APP: variants seen among roughly 807,000 people sequenced by gnomAD.
APP encodes amyloid-beta precursor protein.
In APP, 31 loss-of-function variants were observed where a neutral mutation model predicts 101.4. The observed-to-expected ratio is 0.31, with a 90% CI of 0.23 to 0.41. The LOEUF is 0.41. Ranked by LOEUF, APP falls within the 10% of genes least tolerant of loss-of-function variation. The probability of loss-of-function intolerance (pLI) is 1.00; values close to 1 mark genes in which losing one functional copy is unlikely to be tolerated. For synonymous variants in APP, 366 were observed against 364.4 expected (o/e 1.00, Z -0.05); for missense variants, 839 against 1,003.7 (o/e 0.84, Z 2.22).
At chr21:26,133,703 C>A (rs997481855) in intron 1 of APP, among the ~76,000 whole-genome samples, 6 of 151,976 alleles carry the variant, frequency 3.9e-5, no homozygotes, top group Non-Finnish European at 8.8e-5. Flanking sequence ...ACCTGAGGGG[C>A]AGAGGTTGCA....
Position 25,897,617 on chromosome 21 carries a change from C to T in APP, c.2020G>A (p.Glu674Lys), listed in dbSNP as rs752361848. 1.9e-6 allele frequency: 3 copies of T among 1,614,014 alleles called. No homozygotes were observed. The highest frequency in any genetic ancestry group is 2.5e-6 in the Non-Finnish European group (3 of 1,179,962). ...EEISEVKMDAEFRHDSGYEVH... is the reference protein window; with the variant it reads ...EEISEVKMDAKFRHDSGYEVH... Reference sequence around the variant, plus strand: ...TCATATCCTGAGTCATGTCGGAATTCTGCATCCATCTTCACTTCAGAGATC... The same window carrying T: ...TCATATCCTGAGTCATGTCGGAATTTTGCATCCATCTTCACTTCAGAGATC... Residue 674 changes from glutamate to lysine, a missense_variant, in exon 16 of 18, where the codon GAA becomes AAA. Glu to Lys is a moderately conservative substitution (Grantham distance 56). Transcript: ENST00000346798.
intron 2 of APP, among the ~76,000 whole-genome samples, chr21:26,108,302 AT>A (rs1196612337): frequency 6.6e-6 from 1 of 152,272 alleles, no homozygotes; most frequent in African/African-American, 2.4e-5. Flanking sequence ...AACTATTTCA[AT>A]GTTAAACCTA....
At chr21:26,131,618 T>TG (rs2062798721) in intron 1 of APP, among the ~76,000 whole-genome samples, 1 of 152,206 alleles carries the variant, frequency 6.6e-6, no homozygotes, top group South Asian at 2.1e-4. Context: ...AATACGGCAA[T>TG]ACTTGAGAAA....
At chr21:26,034,883 G>C (rs1269970602) in intron 5 of APP, among the ~76,000 whole-genome samples, 9 of 152,082 alleles carry the variant, frequency 5.9e-5, no homozygotes, top group Non-Finnish European at 1.2e-4. Context: ...TCTATGGGGG[G>C]AGAGAACGAC....
At chr21:25,954,990 A>G (rs1438058356) in intron 12 of APP, among the ~76,000 whole-genome samples, 1 of 151,732 alleles carries the variant, frequency 6.6e-6, no homozygotes, top group African/African-American at 2.4e-5. Context: ...TTGTATGCTT[A>G]TAACAGCCAA....
chr21:26,058,877 C>G (rs45487091), intron 3 of APP, among the ~76,000 whole-genome samples: 24 of 152,116 alleles, frequency 1.6e-4, no homozygotes, highest in African/African-American at 3.9e-4. Flanking sequence ...GTCAGGAGAT[C>G]GAGACCATCC....
intron 5 of APP, among the ~76,000 whole-genome samples, chr21:26,036,249 T>C (rs2045103288): frequency 8.6e-6 from 1 of 116,510 alleles, no homozygotes; most frequent in Non-Finnish European, 1.6e-5. Context: ...GACAGGATAA[T>C]TAAAACCACA....
chr21:25,914,696 G>A (rs2039264981), intron 13 of APP, among the ~76,000 whole-genome samples: 1 of 152,004 alleles, frequency 6.6e-6, no homozygotes, highest in Non-Finnish European at 1.5e-5. Flanking sequence ...TGGGACTACA[G>A]GCGCCCGCCA....
At chr21:25,957,352 T>C (rs769968092) in intron 11 of APP, among the ~76,000 whole-genome samples, 4 of 151,626 alleles carry the variant, frequency 2.6e-5, no homozygotes, top group Non-Finnish European at 5.9e-5. Flanking sequence ...AGGTTATACA[T>C]GTGAATTAAA....
At chr21:26,170,046 G>A (rs1407339057) in intron 1 of APP, among the ~76,000 whole-genome samples, 1 of 152,290 alleles carries the variant, frequency 6.6e-6, no homozygotes, top group East Asian at 1.9e-4. Flanking sequence ...GGTGAAACGA[G>A]GCGGAGAACG....
intron 5 of APP, among the ~76,000 whole-genome samples, chr21:26,044,819 G>A (rs1453353560): frequency 6.6e-6 from 1 of 152,182 alleles, no homozygotes; most frequent in Non-Finnish European, 1.5e-5. Context: ...GATTACAGGC[G>A]TGAGCTACTG....
At chr21:26,023,347 C>T (rs527950695) in intron 5 of APP, among the ~76,000 whole-genome samples, 6 of 140,144 alleles carry the variant, frequency 4.3e-5, no homozygotes, top group African/African-American at 1.1e-4. Context: ...CTGGGCCACA[C>T]GGTGAGACCC....
intron 1 of APP, among the ~76,000 whole-genome samples, chr21:26,116,352 G>C (rs960122816): frequency 1.3e-5 from 2 of 152,148 alleles, no homozygotes; most frequent in Non-Finnish European, 2.9e-5. Flanking sequence ...GCAATTTTTA[G>C]AAATGGCTTT....
At chr21:25,914,850 G>A (rs2146331216) in intron 13 of APP, among the ~76,000 whole-genome samples, 1 of 152,296 alleles carries the variant, frequency 6.6e-6, no homozygotes, top group East Asian at 1.9e-4. Flanking sequence ...ACTGCACCCG[G>A]CTTGATCCTG....
rs558535797 is a variant in APP at position 26,035,764 on chromosome 21, A to G, written c.663-13722T>C. ...AGCAGCGCATGTGTCAGGGAGAGAG[A>G]ACGAGAGCAGAGATTAGCAGGATAC... On this transcript the variant is annotated intron_variant, in intron 5 of 17. Coordinates refer to ENST00000346798, the MANE Select transcript of APP (RefSeq NM_000484.4). 1.7e-3 allele frequency among the ~76,000 whole-genome samples: 261 copies of G among 152,274 alleles called. 1 individual carries two copies. The highest frequency in any genetic ancestry group is 6.1e-3 in the African/African-American group (253 of 41,540).
At chr21:25,939,078 T>A (rs940191213) in intron 13 of APP, among the ~76,000 whole-genome samples, 1 of 152,252 alleles carries the variant, frequency 6.6e-6, no homozygotes, top group Non-Finnish European at 1.5e-5. Context: ...GAGGAACTCC[T>A]TGGGCCTTGA....
intron 1 of APP, among the ~76,000 whole-genome samples, chr21:26,145,760 A>C (rs766922303): frequency 3.3e-5 from 5 of 151,744 alleles, no homozygotes; most frequent in African/African-American, 4.9e-5. Context: ...TACACATATA[A>C]ATTTTCTGTT....
chr21:26,057,787 A>G (rs1180024455), intron 3 of APP, among the ~76,000 whole-genome samples: 1 of 152,130 alleles, frequency 6.6e-6, no homozygotes, highest in Non-Finnish European at 1.5e-5. Context: ...TGGTAACTCA[A>G]CTCACTCATT....
chr21:25,892,958 A>G (rs1482557398), intron 16 of APP, among the ~76,000 whole-genome samples: 1 of 38,782 alleles, frequency 2.6e-5, no homozygotes, highest in Non-Finnish European at 6.2e-5. Flanking sequence ...TTAAAAAAAA[A>G]AAACAAAAAG....
Sources: allele counts gnomAD v4.1 joint callset (sites outside exome capture counted in the v4.1 genomes callset), GRCh38; gene constraint gnomAD v4.1.1; transcripts MANE v1.5; gene names NCBI Gene and HGNC (gene_info 2026-07-23, HGNC 2026-07-21).